The following ZEB1 variants were observed in gnomAD, a reference collection of about 807,000 sequenced individuals.
ZEB1 encodes zinc finger E-box-binding homeobox 1.
Under a neutral mutation model 84.9 loss-of-function variants are expected in ZEB1, and 21 were observed. The observed-to-expected ratio is 0.25, with a 90% CI of 0.18 to 0.36. The LOEUF (loss-of-function observed/expected upper bound fraction) is 0.36, where lower values mean the gene tolerates loss of function less well. ZEB1 is among the 10% of genes least tolerant of loss of function. The probability of loss-of-function intolerance (pLI) is 1.00; values close to 1 mark genes in which losing one functional copy is unlikely to be tolerated. For missense variants in ZEB1, 1,104 were observed against 1,330.2 expected (o/e 0.83, Z 2.65); for synonymous variants, 420 against 471.1 (o/e 0.89, Z 1.41).
At chr10:31,343,614 T>C (rs1348536910) in intron 1 of ZEB1, among the ~76,000 whole-genome samples, 1 of 152,126 alleles carries the variant, frequency 6.6e-6, no homozygotes, top group Non-Finnish European at 1.5e-5. Flanking sequence ...CTGTCATAGC[T>C]CTTAGGAAAT....
At chr10:31,382,020 A>AAAACAAAAC (rs1200839526) in intron 1 of ZEB1, among the ~76,000 whole-genome samples, 2 of 150,784 alleles carry the variant, frequency 1.3e-5, no homozygotes, top group African/African-American at 4.9e-5. Flanking sequence ...AAAAAAAAAA[A>AAAACAAAAC]AAAAAAAAAA....
chr10:31,373,760 C>A (rs1360702339), intron 1 of ZEB1, among the ~76,000 whole-genome samples: 1 of 151,682 alleles, frequency 6.6e-6, no homozygotes, highest in Admixed American at 6.6e-5. Context: ...ATACTCTATA[C>A]CCAAAACAAA....
chr10:31,361,596 C>T (rs1031363555), intron 1 of ZEB1, among the ~76,000 whole-genome samples: 20 of 152,082 alleles, frequency 1.3e-4, no homozygotes, highest in South Asian at 2.1e-4. Flanking sequence ...ACTTCCCAGA[C>T]GGTGCAGGGG....
At chr10:31,444,930 G>GT (rs549802538) in intron 1 of ZEB1, among the ~76,000 whole-genome samples, 4 of 151,940 alleles carry the variant, frequency 2.6e-5, no homozygotes, top group African/African-American at 9.7e-5. Context: ...CTTTAAAGTA[G>GT]TTTTTTTCCA....
At chr10:31,484,831 CTGTT>C (rs904437868) in intron 2 of ZEB1, among the ~76,000 whole-genome samples, 4 of 151,936 alleles carry the variant, frequency 2.6e-5, no homozygotes, top group African/African-American at 4.8e-5. Context: ...GAATATGTCA[CTGTT>C]TGTTATATAA....
Position 31,490,334 on chromosome 10 carries a change from A to T in ZEB1, c.260-5442A>T, listed in dbSNP as rs571686753. Among the ~76,000 whole-genome samples, 5 of 151,512 alleles carry T rather than the reference A, an allele frequency of 3.3e-5. No homozygotes were observed. In the East Asian group the frequency reaches 9.7e-4, roughly 29 times the overall value. On this transcript the variant is annotated intron_variant, in intron 2 of 8. Transcript: ENST00000424869. ...CAGTGACATGAAAGTTAGATATTTT[A>T]TTATTGTCCTGCATTATCCTGAGAC...
chr10:31,441,758 C>A (rs560704265), intron 1 of ZEB1, among the ~76,000 whole-genome samples: 1 of 152,226 alleles, frequency 6.6e-6, no homozygotes, highest in Non-Finnish European at 1.5e-5. Flanking sequence ...TGAACAGACA[C>A]TTCTCAAAAG....
Position 31,319,301 on chromosome 10 carries a change from C to A in ZEB1, c.58+9C>A. ...CCCGCGGCGCAATAACGGTGAGTGGCGGAGGGGACCGGGGAGCGGCGGAGT... is the reference window on the plus strand; with the variant it reads ...CCCGCGGCGCAATAACGGTGAGTGGAGGAGGGGACCGGGGAGCGGCGGAGT... On this transcript the variant is annotated intron_variant, in intron 1 of 8. Coordinates refer to ENST00000424869, the MANE Select transcript of ZEB1 (RefSeq NM_001174096.2). 6.2e-7 allele frequency: 1 copy of A among 1,602,304 alleles called. No individual in the cohort carries two copies. The highest frequency in any genetic ancestry group is 8.5e-7 in the Non-Finnish European group (1 of 1,175,880).
intron 1 of ZEB1, among the ~76,000 whole-genome samples, chr10:31,445,633 T>C (rs943455412): frequency 1.3e-5 from 2 of 151,864 alleles, no homozygotes; most frequent in African/African-American, 4.8e-5. Flanking sequence ...GAAGTGTTGT[T>C]GAATTTTGTC....
At chr10:31,400,934 TTTC>T (rs1263895036) in intron 1 of ZEB1, among the ~76,000 whole-genome samples, 2 of 152,188 alleles carry the variant, frequency 1.3e-5, no homozygotes, top group African/African-American at 2.4e-5. Flanking sequence ...ATGACATACA[TTTC>T]TTCATGTTTC....
intron 1 of ZEB1, among the ~76,000 whole-genome samples, chr10:31,337,811 A>G (rs1251512630): frequency 2.1e-5 from 3 of 145,702 alleles, no homozygotes; most frequent in Non-Finnish European, 1.5e-5. Context: ...CAGCCTCCCC[A>G]GTAGCTGGGA....
chr10:31,319,945 C>T (rs2033367452), intron 1 of ZEB1: 2 of 147,836 alleles, frequency 1.4e-5, no homozygotes, highest in Admixed American at 6.7e-5. Context: ...GGTTTGTGCG[C>T]GCGTGTGCGC....
intron 1 of ZEB1, chr10:31,321,624 T>C: frequency 6.3e-7 from 1 of 1,588,980 alleles, no homozygotes; most frequent in Non-Finnish European, 8.6e-7. Context: ...TGACGACATG[T>C]GTGTGACATG....
At chr10:31,337,660 ATAAAGCT>A (rs2038416538) in intron 1 of ZEB1, among the ~76,000 whole-genome samples, 1 of 148,324 alleles carries the variant, frequency 6.7e-6, no homozygotes, top group South Asian at 2.1e-4. Context: ...AATATAGCAG[ATAAAGCT>A]TAATAATTTC....
chr10:31,427,550 C>T (rs1471767072), intron 1 of ZEB1, among the ~76,000 whole-genome samples: 3 of 152,026 alleles, frequency 2.0e-5, no homozygotes, highest in Non-Finnish European at 2.9e-5. Context: ...GAACTGATTG[C>T]TTTAAAAGGC....
At chr10:31,516,751 T>A (rs193173685) in intron 6 of ZEB1, among the ~76,000 whole-genome samples, 1 of 152,050 alleles carries the variant, frequency 6.6e-6, no homozygotes, top group Non-Finnish European at 1.5e-5. Context: ...TAAATCAGAT[T>A]ATTCAATAGA....
intron 1 of ZEB1, among the ~76,000 whole-genome samples, chr10:31,456,404 A>T (rs2061244033): frequency 6.6e-6 from 1 of 152,140 alleles, no homozygotes; most frequent in Non-Finnish European, 1.5e-5. Flanking sequence ...GTATAATAAT[A>T]AAAAGATTTG....
rs1238753916 is a variant in ZEB1, at chr10:31,527,111, A to G, written c.3225A>G (p.Glu1075=). 1.9e-6 allele frequency: 3 copies of G among 1,602,764 alleles called. No individual in the cohort carries two copies. Among genetic ancestry groups the G allele is most frequent in the East Asian group, 2.3e-5 (1 of 43,836 alleles). Residue 1075 remains glutamate, a synonymous_variant, in exon 9 of 9, where the codon GAA becomes GAG. Coordinates refer to ENST00000424869, the MANE Select transcript of ZEB1 (RefSeq NM_001174096.2). Reference sequence around the variant, plus strand: ...AGGAGGAGGAGGAAGAAGTGGAAGAAGAAGAGGTAGAAGAGGCAGAGAATG... The same window carrying G: ...AGGAGGAGGAGGAAGAAGTGGAAGAGGAAGAGGTAGAAGAGGCAGAGAATG... ...EEEEEEEEVE[E]EEVEEAENEG... is the part of the protein sequence containing the mutation.
chr10:31,488,788 TTTC>T (rs1458069292), intron 2 of ZEB1, among the ~76,000 whole-genome samples: 1 of 151,240 alleles, frequency 6.6e-6, no homozygotes, highest in African/African-American at 2.4e-5. Context: ...TTTTGGAGAT[TTTC>T]TTATCTTTTT....
Sources: allele counts gnomAD v4.1 joint callset (sites outside exome capture counted in the v4.1 genomes callset), GRCh38; gene constraint gnomAD v4.1.1; transcripts MANE v1.5; gene names NCBI Gene and HGNC (gene_info 2026-07-23, HGNC 2026-07-21).